PGM2L1: variants seen among roughly 807,000 people sequenced by gnomAD.
The protein encoded by PGM2L1 is glucose 1,6-bisphosphate synthase.
Under a neutral mutation model 73.4 loss-of-function variants are expected in PGM2L1, and 35 were observed. The ratio of observed to expected loss-of-function variants is 0.48; its 90% confidence interval spans 0.36 to 0.63. The LOEUF is 0.63. PGM2L1 is among the 30% of genes least tolerant of loss of function. PGM2L1 has a pLI of 0.00. For missense variants in PGM2L1, 570 were observed against 742.0 expected (o/e 0.77, Z 2.69); for synonymous variants, 225 against 253.8 (o/e 0.89, Z 1.08).
rs149540374 is a variant in PGM2L1 at position 74,374,146 on chromosome 11, C to T, written c.279+269G>A. ...GTTGCCAGGCTGGAATGCAGTGGCG[C>T]GATCTCGGCTCACTGCAACCTCCGA... On this transcript the variant is annotated intron_variant, in intron 2 of 13. Transcript: ENST00000298198. Among the ~76,000 whole-genome samples, 472 of 151,572 alleles carry T rather than the reference C, an allele frequency of 3.1e-3. 4 individuals are homozygous for T. The highest frequency in any genetic ancestry group is 0.011 in the African/African-American group (448 of 41,286).
intron 1 of PGM2L1, among the ~76,000 whole-genome samples, chr11:74,383,824 A>T (rs11827822): frequency 1.0e-3 from 124 of 121,786 alleles, no homozygotes; most frequent in South Asian, 3.5e-3. Context: ...TATATAAATA[A>T]ATATATATAT....
At chr11:74,341,975 T>G (rs772620707) in intron 12 of PGM2L1, among the ~76,000 whole-genome samples, 4 of 152,130 alleles carry the variant, frequency 2.6e-5, no homozygotes, top group Non-Finnish European at 5.9e-5. Context: ...TGGGAGTGTC[T>G]TTTAGCATGC....
chr11:74,350,634 T>C (rs1469155964), intron 6 of PGM2L1, among the ~76,000 whole-genome samples: 1 of 152,094 alleles, frequency 6.6e-6, no homozygotes, highest in Non-Finnish European at 1.5e-5. Flanking sequence ...CCCAGCACCT[T>C]GGGAGGCTGA....
chr11:74,378,987 G>T (rs1280934550), intron 1 of PGM2L1, among the ~76,000 whole-genome samples: 1 of 152,140 alleles, frequency 6.6e-6, no homozygotes, highest in South Asian at 2.1e-4. Context: ...AAATATAAAT[G>T]TCTATAAAAG....
At chr11:74,340,866 A>G (rs971422116) in intron 12 of PGM2L1, among the ~76,000 whole-genome samples, 5 of 152,158 alleles carry the variant, frequency 3.3e-5, no homozygotes, top group African/African-American at 9.7e-5. Flanking sequence ...TAGCTGAGGT[A>G]TGGGCCTGTA....
chr11:74,397,972 C>G (rs1224730921), intron 1 of PGM2L1, 79 bp downstream of exon 1: 4 of 1,446,218 alleles, frequency 2.8e-6, no homozygotes, highest in Admixed American at 2.6e-5. Flanking sequence ...CTGCAGCCCG[C>G]GGGGCGCTGG....
At chr11:74,343,456 T>A in intron 9 of PGM2L1, 40 bp from the exon 10 acceptor site, 2 of 1,593,046 alleles carry the variant, frequency 1.3e-6, no homozygotes, top group Non-Finnish European at 1.7e-6. Flanking sequence ...AGTGACTGTC[T>A]CACAAATACC....
chr11:74,376,701 T>C (rs1340943351), intron 1 of PGM2L1, among the ~76,000 whole-genome samples: 2 of 152,110 alleles, frequency 1.3e-5, no homozygotes, highest in African/African-American at 4.8e-5. Context: ...ACTGCACAGC[T>C]ACTAGAGTAG....
intron 1 of PGM2L1, among the ~76,000 whole-genome samples, chr11:74,379,463 T>C (rs1163179295): frequency 6.6e-6 from 1 of 152,192 alleles, no homozygotes; most frequent in Non-Finnish European, 1.5e-5. Context: ...GTAAATCTTT[T>C]TTCCTACTTA....
rs1332828503 is a variant in PGM2L1, at chr11:74,398,045, A to G, written c.111+6T>C. 4.4e-6 allele frequency: 7 copies of G among 1,602,302 alleles called. No homozygotes were observed. On this transcript the variant is annotated splice_donor_region_variant and intron_variant, in intron 1 of 13. Transcript: ENST00000298198. The stretch of plus-strand genomic sequence containing the variant: ...ACGGCGTTTGCCGGGCTGACCAGGT[A>G]CCCACCTTATCCCAGCGGAGCCACT...
At chr11:74,382,107 A>C (rs1162571316) in intron 1 of PGM2L1, among the ~76,000 whole-genome samples, 1 of 152,238 alleles carries the variant, frequency 6.6e-6, no homozygotes, top group East Asian at 1.9e-4. Flanking sequence ...AAAATGAATA[A>C]GCCTAGTGCT....
At chr11:74,387,085 A>T (rs1304097537) in intron 1 of PGM2L1, among the ~76,000 whole-genome samples, 1 of 152,208 alleles carries the variant, frequency 6.6e-6, no homozygotes, top group African/African-American at 2.4e-5. Flanking sequence ...ATTTTCTCAC[A>T]AAGCAAACAT....
intron 5 of PGM2L1, among the ~76,000 whole-genome samples, chr11:74,362,543 A>G (rs911920927): frequency 1.3e-5 from 2 of 152,200 alleles, no homozygotes; most frequent in Non-Finnish European, 2.9e-5. Context: ...ACACATAACA[A>G]TATTAACCTT....
At chr11:74,389,472 T>C (rs966264674) in intron 1 of PGM2L1, among the ~76,000 whole-genome samples, 3 of 151,680 alleles carry the variant, frequency 2.0e-5, no homozygotes, top group African/African-American at 7.3e-5. Context: ...TTTTTTGAGA[T>C]GGAGTCTCGC....
Position 74,374,421 on chromosome 11 carries a change from T to G in PGM2L1, c.273A>C (p.Ser91=). 1 of 1,609,790 alleles carries G rather than the reference T, an allele frequency of 6.2e-7. No individual in the cohort carries two copies. Among genetic ancestry groups the G allele is most frequent in the Non-Finnish European group, 8.5e-7 (1 of 1,177,232 alleles). ...CYINDLTVIQ[S]TQGMYKYLER... is the part of the protein sequence containing the mutation. Reference sequence around the variant, plus strand: ...AATACTTTATAATACTTACCTGTGTTGACTGTATTACTGTAAGGTCATTAA... The same window carrying G: ...AATACTTTATAATACTTACCTGTGTGGACTGTATTACTGTAAGGTCATTAA... Residue 91 remains serine, a synonymous_variant, in exon 2 of 14, where the codon TCA becomes TCC. Coordinates refer to ENST00000298198, the MANE Select transcript of PGM2L1 (RefSeq NM_173582.6).
intron 5 of PGM2L1, among the ~76,000 whole-genome samples, chr11:74,357,662 C>T (rs537900009): frequency 3.3e-4 from 50 of 152,342 alleles, no homozygotes; most frequent in Non-Finnish European, 6.0e-4. Context: ...TGATTCAGCA[C>T]TCACACTCCT....
chr11:74,392,979 T>C (rs1048220720), intron 1 of PGM2L1, among the ~76,000 whole-genome samples: 1 of 152,212 alleles, frequency 6.6e-6, no homozygotes, highest in Non-Finnish European at 1.5e-5. Context: ...GAGTCCCAAT[T>C]TTACCACTTA....
Position 74,342,458 on chromosome 11 carries a change from T to TA in PGM2L1, c.1632+2dup. On this transcript the variant is annotated splice_region_variant and intron_variant, in intron 12 of 13. Transcript: ENST00000298198. ...TTGTTTGGAAAAAAAAAAAGGTACT[T>TA]ACTGATTTCTTATTAGGCTGGCTAC... 1 of 1,435,108 alleles carries TA rather than the reference T, an allele frequency of 7.0e-7. No homozygotes were observed. Among genetic ancestry groups the TA allele is most frequent in the Non-Finnish European group, 9.2e-7 (1 of 1,087,428 alleles). 88.9% of individuals were successfully genotyped at this position (1,435,108 alleles called of 1,614,324 possible). A position where few individuals can be genotyped will look rare whatever the true frequency, so the allele number is the denominator to read the frequency against.
chr11:74,364,086 G>A (rs1198556655), intron 5 of PGM2L1, among the ~76,000 whole-genome samples: 1 of 152,028 alleles, frequency 6.6e-6, no homozygotes. Flanking sequence ...ATGTAATCCA[G>A]CACATAAACA....
Sources: allele counts gnomAD v4.1 joint callset (sites outside exome capture counted in the v4.1 genomes callset), GRCh38; gene constraint gnomAD v4.1.1; transcripts MANE v1.5; gene names NCBI Gene and HGNC (gene_info 2026-07-23, HGNC 2026-07-21).